The following OTUD4 variants were observed in gnomAD, a reference collection of about 807,000 sequenced individuals.
The protein encoded by OTUD4 is OTU domain-containing protein 4.
OTUD4 carries 24 observed loss-of-function variants against 130.4 expected under a neutral mutation model. That is an observed-to-expected ratio of 0.18 (90% CI 0.13 to 0.26). The LOEUF (loss-of-function observed/expected upper bound fraction) is 0.26, where lower values mean the gene tolerates loss of function less well. Among genes scored for constraint, OTUD4 ranks in the 10% least tolerant of loss-of-function variants. The pLI, the probability that OTUD4 is intolerant of heterozygous loss-of-function variation, is 1.00. For synonymous variants in OTUD4, 420 were observed against 472.5 expected (o/e 0.89, Z 1.44); for missense variants, 1,031 against 1,329.4 (o/e 0.78, Z 3.49).
At position 145,179,779 on chromosome 4, in the gene OTUD4, CTCCCCTCGAAGCCCTCCCCG is replaced by C; in HGVS notation, c.159+16_159+35del. 2 of 1,373,750 alleles carry C rather than the reference CTCCCCTCGAAGCCCTCCCCG, an allele frequency of 1.5e-6. No homozygotes were observed. Among genetic ancestry groups the C allele is most frequent in the South Asian group, 1.3e-5 (1 of 75,940 alleles). 85.1% of individuals were successfully genotyped at this position (1,373,750 alleles called of 1,614,324 possible). On this transcript the variant is annotated intron_variant, in intron 1 of 20. Transcript: ENST00000447906. ...CCCAGACCCGCCGGGCCGTCCCCGC[CTCCCCTCGAAGCCCTCCCCG>C]CCCCCCCGCAATTACCTGCTCCGCC...
chr4:145,162,593 T>C (rs774298591), intron 6 of OTUD4, 47 bp downstream of exon 6: 1 of 958,064 alleles, frequency 1.0e-6, no homozygotes, highest in African/African-American at 1.7e-5. Flanking sequence ...AAAGACTGTA[T>C]AAGTTTAGGA....
chr4:145,178,322 C>T (rs1195148251), intron 1 of OTUD4, among the ~76,000 whole-genome samples: 1 of 152,148 alleles, frequency 6.6e-6, no homozygotes, highest in South Asian at 2.1e-4. Flanking sequence ...TCCAAGTAAG[C>T]GCCAAGCTTC....
intron 20 of OTUD4, among the ~76,000 whole-genome samples, chr4:145,138,968 T>C (rs1181350070): frequency 6.6e-6 from 1 of 152,212 alleles, no homozygotes; most frequent in African/African-American, 2.4e-5. Context: ...TAACTCACTG[T>C]GTGACCCCAT....
At position 145,179,613 on chromosome 4, in the gene OTUD4, C is replaced by A. The variant is rs533781172; in HGVS notation, c.159+202G>T. On this transcript the variant is annotated intron_variant, in intron 1 of 20. Coordinates refer to ENST00000447906, the MANE Select transcript of OTUD4 (RefSeq NM_001366057.1). The stretch of plus-strand genomic sequence containing the variant: ...AGGAGAGAGACACCCCGTTAATTTG[C>A]GGGCTTTCGAGTTTCAATTTGCACC... 7 of 1,385,100 alleles carry A rather than the reference C, an allele frequency of 5.1e-6. No individual in the cohort carries two copies. In the South Asian group the frequency reaches 7.9e-5, roughly 16 times the overall value. 85.8% of individuals were successfully genotyped at this position (1,385,100 alleles called of 1,614,324 possible). A position where few individuals can be genotyped will look rare whatever the true frequency, so the allele number is the denominator to read the frequency against.
chr4:145,166,230 A>T (rs142061841), intron 3 of OTUD4, among the ~76,000 whole-genome samples: 1 of 152,280 alleles, frequency 6.6e-6, no homozygotes, highest in African/African-American at 2.4e-5. Context: ...AAAAGGGCAG[A>T]AGATCTCTTC....
At chr4:145,156,425 T>G (rs1324053531) in intron 7 of OTUD4, among the ~76,000 whole-genome samples, 1 of 152,238 alleles carries the variant, frequency 6.6e-6, no homozygotes, top group South Asian at 2.1e-4. Flanking sequence ...GGCTCACGCC[T>G]GTAATCCCAG....
At chr4:145,142,412 G>T in intron 17 of OTUD4, 78 bp from the exon 18 acceptor site, 1 of 1,256,930 alleles carries the variant, frequency 8.0e-7, no homozygotes, top group Non-Finnish European at 1.1e-6. Context: ...CTAACCACCA[G>T]ATACATATTG....
chr4:145,137,977 T>A lies in OTUD4; in HGVS notation c.2798A>T (p.Asp933Val). The A allele has an allele frequency of 6.2e-7, 1 of 1,614,198 alleles. No individual in the cohort carries two copies. Among genetic ancestry groups the A allele is most frequent in the South Asian group, 1.1e-5 (1 of 91,086 alleles). ...LPEASVSSKP[D>V]EGRTEQSSQT... is the part of the protein sequence containing the mutation. ...GGAAGATTGCTCTGTCCGGCCTTCG[T>A]CCGGCTTACTGCTCACACTTGCTTC... Residue 933 changes from aspartate (D) to valine (V), a missense_variant, in exon 21 of 21, where the codon GAC (aspartate) becomes GTC (valine). Coordinates refer to ENST00000447906, the MANE Select transcript of OTUD4 (RefSeq NM_001366057.1).
chr4:145,166,382 T>C (rs1428599662), intron 3 of OTUD4, among the ~76,000 whole-genome samples: 1 of 152,004 alleles, frequency 6.6e-6, no homozygotes, highest in Non-Finnish European at 1.5e-5. Flanking sequence ...ATTTAAAATG[T>C]CCCATATACC....
rs772521472 is a variant in OTUD4, at chr4:145,150,621, G to T, written c.1151C>A (p.Pro384His). ...PSALPPRLQH[P>H]SGVRQHAFSS... ...GAACGCATGTTGTCTTACTCCTGAA[G>T]GATGCTGCAGTCGAGGAGGTAGTGC... The change falls in exon 13 of 21, where the codon CCT (proline) becomes CAT (histidine). Residue 384 changes from proline to histidine, a missense_variant. Pro to His is a moderately conservative substitution (Grantham distance 77). Transcript: ENST00000447906. 1.1e-5 allele frequency: 18 copies of T among 1,613,220 alleles called. No homozygotes were observed. Among genetic ancestry groups the T allele is most frequent in the Non-Finnish European group, 1.5e-5 (18 of 1,179,314 alleles).
Position 145,137,715 on chromosome 4 carries a change from T to C in OTUD4, c.3060A>G (p.Lys1020=). ...CATTTTCATCTTCTGAACTCTCTTC[T>C]TTTGGTCTTTGCACTCTGCTATCAA... ...NSVDSRVQRP[K]EESSEDENEV... Residue 1020 remains lysine (K), a synonymous_variant, in exon 21 of 21, where the codon AAA becomes AAG. Coordinates refer to ENST00000447906, the MANE Select transcript of OTUD4 (RefSeq NM_001366057.1). 1 of 1,614,070 alleles carries C rather than the reference T, an allele frequency of 6.2e-7. No homozygotes were observed. Among genetic ancestry groups the C allele is most frequent in the Non-Finnish European group, 8.5e-7 (1 of 1,180,004 alleles).
intron 2 of OTUD4, among the ~76,000 whole-genome samples, chr4:145,173,182 G>C (rs13147888): frequency 0.22 from 33,284 of 152,070 alleles, 4,399 homozygotes; most frequent in East Asian, 0.46. Flanking sequence ...ATGAGGTCAG[G>C]AGATCGAGAC....
intron 13 of OTUD4, among the ~76,000 whole-genome samples, chr4:145,147,998 A>G (rs1393563121): frequency 2.0e-5 from 3 of 152,204 alleles, no homozygotes; most frequent in Admixed American, 6.5e-5. Context: ...AGGCATACTA[A>G]CCTAATGACA....
chr4:145,168,164 A>G (rs1052776598), intron 3 of OTUD4, among the ~76,000 whole-genome samples: 2 of 152,134 alleles, frequency 1.3e-5, no homozygotes, highest in African/African-American at 2.4e-5. Context: ...TAACCATACT[A>G]TAACAAAATT....
chr4:145,173,990 T>C (rs1752301085), intron 2 of OTUD4, among the ~76,000 whole-genome samples: 2 of 151,926 alleles, frequency 1.3e-5, no homozygotes, highest in South Asian at 4.1e-4. Context: ...GCGTATTTTT[T>C]ACACTGCAAG....
At chr4:145,140,815 CAGA>C (rs1750520696) in intron 19 of OTUD4, among the ~76,000 whole-genome samples, 1 of 151,498 alleles carries the variant, frequency 6.6e-6, no homozygotes, top group South Asian at 2.1e-4. Flanking sequence ...TGTAAAAACA[CAGA>C]AGGAGGTATC....
intron 6 of OTUD4, among the ~76,000 whole-genome samples, chr4:145,161,677 C>T (rs1161682671): frequency 6.6e-6 from 1 of 152,122 alleles, no homozygotes; most frequent in Non-Finnish European, 1.5e-5. Flanking sequence ...TACTGCCATC[C>T]ACTAGGTAGA....
Position 145,139,944 on chromosome 4 carries a change from TA to T in OTUD4, c.2124+6del. 1.3e-6 allele frequency: 1 copy of T among 790,526 alleles called. No homozygotes were observed. Among genetic ancestry groups the T allele is most frequent in the Non-Finnish European group, 2.0e-6 (1 of 497,998 alleles). 49.0% of individuals were successfully genotyped at this position (790,526 alleles called of 1,614,324 possible). A position where few individuals can be genotyped will look rare whatever the true frequency, so the allele number is the denominator to read the frequency against. On this transcript the variant is annotated splice_donor_region_variant and intron_variant, in intron 20 of 20. Transcript: ENST00000447906. The stretch of plus-strand genomic sequence containing the variant: ...AAATAACTTTTAAGATGATAAAATG[TA>T]AATACCTTCACACCAAGATTGAAGA...
intron 6 of OTUD4, among the ~76,000 whole-genome samples, chr4:145,162,319 C>T (rs1271398198): frequency 2.6e-5 from 4 of 151,978 alleles, no homozygotes; most frequent in Non-Finnish European, 4.4e-5. Context: ...TTTGGGAGGT[C>T]GAGGCGGGCG....
Sources: allele counts gnomAD v4.1 joint callset (sites outside exome capture counted in the v4.1 genomes callset), GRCh38; gene constraint gnomAD v4.1.1; transcripts MANE v1.5; gene names NCBI Gene and HGNC (gene_info 2026-07-23, HGNC 2026-07-21).